The following AFDN variants were observed in gnomAD, a reference collection of about 807,000 sequenced individuals.
The protein encoded by AFDN is afadin.
AFDN carries 68 observed loss-of-function variants against 216.6 expected under a neutral mutation model. The observed-to-expected ratio is 0.31, with a 90% CI of 0.26 to 0.38. The LOEUF (loss-of-function observed/expected upper bound fraction) is 0.38, where lower values mean the gene tolerates loss of function less well. Among genes scored for constraint, AFDN ranks in the 10% least tolerant of loss-of-function variants. The probability of loss-of-function intolerance (pLI) is 1.00; values close to 1 mark genes in which losing one functional copy is unlikely to be tolerated. For missense variants in AFDN, 2,136 were observed against 2,342.0 expected, an observed-to-expected ratio of 0.91 and a Z score of 1.82; for synonymous variants, 868 against 853.7, an observed-to-expected ratio of 1.02 and a Z score of -0.29.
Position 167,962,992 on chromosome 6 carries a change from T to A in AFDN, c.4968+425T>A, listed in dbSNP as rs192537559. 9.2e-7 allele frequency: 1 copy of A among 1,088,440 alleles called. No individual in the cohort carries two copies. Among genetic ancestry groups the A allele is most frequent in the Admixed American group, 4.6e-5 (1 of 21,748 alleles). 67.4% of individuals were successfully genotyped at this position (1,088,440 alleles called of 1,614,324 possible). ...AGACAGTTGGCTGCCATTCAACATT[T>A]CAAATAGATGGTTTACTCAAATCAC... On this transcript the variant is annotated intron_variant, in intron 31 of 33. Coordinates refer to ENST00000683244, the MANE Select transcript of AFDN (RefSeq NM_001386888.1). The surrounding 1 kb of genome is among the most constrained non-coding windows in gnomAD (Gnocchi z 5.2).
In AFDN at chr6:167,836,171, G is replaced by A. The variant is rs138964694; in HGVS notation, c.105+8934G>A. 1.1e-3 allele frequency among the ~76,000 whole-genome samples: 169 copies of A among 152,176 alleles called. 2 individuals carry two copies. Among genetic ancestry groups the A allele is most frequent in the African/African-American group, 4.0e-3 (168 of 41,510 alleles). ...CAAGTTTTATTACTTGAATTCACTC[G>A]GGATGTGACCTAAGCCACACCTACT... On this transcript the variant is annotated intron_variant, in intron 1 of 33. Transcript: ENST00000683244.
chr6:167,864,487 T>C, intron 1 of AFDN, 64 bp from the exon 2 acceptor site: 1 of 1,442,228 alleles, frequency 6.9e-7, no homozygotes, highest in Non-Finnish European at 9.7e-7. Flanking sequence ...CATTTATTAT[T>C]ACAAAAAGTG....
intron 21 of AFDN, among the ~76,000 whole-genome samples, chr6:167,920,139 G>T (rs957526384): frequency 1.3e-5 from 2 of 152,178 alleles, no homozygotes; most frequent in Non-Finnish European, 2.9e-5. Context: ...TGAGGCTGGG[G>T]TGAGGTCTTT....
chr6:167,846,481 G>A (rs1781697020), intron 1 of AFDN, among the ~76,000 whole-genome samples: 2 of 151,902 alleles, frequency 1.3e-5, no homozygotes, highest in South Asian at 2.1e-4. Flanking sequence ...AAACCAGTGC[G>A]TGAACTTTTA....
In AFDN at chr6:167,951,535, C is replaced by T. The variant is rs1272554947; in HGVS notation, c.4181C>T (p.Pro1394Leu). 2 of 1,613,932 alleles carry T rather than the reference C, an allele frequency of 1.2e-6. No homozygotes were observed. The highest frequency in any genetic ancestry group is 1.1e-5 in the South Asian group (1 of 91,034). Reference protein sequence around the residue: ...GDFDGMSMDLPLPPPPSANQI... With the variant: ...GDFDGMSMDLLLPPPPSANQI... Reference sequence around the variant, plus strand: ...TTCGATGGAATGTCCATGGATTTGCCTCTCCCACCACCCCCTTCCGCCAAC... The same window carrying T: ...TTCGATGGAATGTCCATGGATTTGCTTCTCCCACCACCCCCTTCCGCCAAC... Residue 1394 changes from proline to leucine, a missense_variant, in exon 30 of 34, where the codon CCT (proline) becomes CTT (leucine). This residue lies in a region of AFDN where 981 missense variants were observed against 966.0 expected (regional missense o/e 1.02). Coordinates refer to ENST00000683244, the MANE Select transcript of AFDN (RefSeq NM_001386888.1). This position sits in a 1 kb window ranked among gnomAD's most constrained non-coding sequence, Gnocchi z 7.1.
Position 167,962,468 on chromosome 6 carries a change from A to G in AFDN, c.4869A>G (p.Leu1623=), listed in dbSNP as rs1255661822. The change falls in exon 31 of 34, where the codon TTA becomes TTG. Residue 1623 remains leucine, a synonymous_variant. Coordinates refer to ENST00000683244, the MANE Select transcript of AFDN (RefSeq NM_001386888.1). The surrounding 1 kb of genome is among the most constrained non-coding windows in gnomAD (Gnocchi z 5.2). ...QDEERRRQQQ[L]EEMRKREAED... is the part of the protein sequence containing the mutation. ...AGGAGCGGAGGCGGCAGCAGCAGTTAGAAGAGATGCGCAAGCGGGAAGCGG... is the reference window on the plus strand; with the variant it reads ...AGGAGCGGAGGCGGCAGCAGCAGTTGGAAGAGATGCGCAAGCGGGAAGCGG... 8.7e-6 allele frequency: 14 copies of G among 1,613,642 alleles called. No individual in the cohort carries two copies. The highest frequency in any genetic ancestry group is 1.2e-5 in the Non-Finnish European group (14 of 1,179,742).
intron 5 of AFDN, among the ~76,000 whole-genome samples, chr6:167,879,187 C>T (rs1785803573): frequency 1.3e-5 from 2 of 152,142 alleles, no homozygotes; most frequent in South Asian, 2.1e-4. Context: ...TGTGCTGCAA[C>T]CTGTGATTCC....
chr6:167,954,614 A>ACTCCATCTCCT, intron 30 of AFDN: 5 of 684,280 alleles, frequency 7.3e-6, no homozygotes, highest in Non-Finnish European at 1.2e-5. Context: ...CTCCATCAGG[A>ACTCCATCTCCT]GATGGAGTCC....
At position 167,946,912 on chromosome 6, in the gene AFDN, C is replaced by G. The variant is rs781007909; in HGVS notation, c.3553+11C>G. The G allele has an allele frequency of 6.2e-7, 1 of 1,602,258 alleles. No homozygotes were observed. ...GCCCCAACGTAGCAAGTAAGAGTGA[C>G]ACTTTTTTGCTTCCTAAGTACACTT... On this transcript the variant is annotated intron_variant, in intron 27 of 33. Transcript: ENST00000683244.
intron 22 of AFDN, among the ~76,000 whole-genome samples, chr6:167,923,620 CTTTT>C (rs35743665): frequency 1.8e-5 from 2 of 111,968 alleles, no homozygotes; most frequent in South Asian, 3.2e-4. Context: ...TACCCTAATA[CTTTT>C]TTTTTTTTTT....
intron 29 of AFDN, among the ~76,000 whole-genome samples, chr6:167,950,846 C>T (rs371825787): frequency 6.1e-5 from 9 of 146,502 alleles, no homozygotes; most frequent in Admixed American, 4.8e-4. Flanking sequence ...TACAGCTTTG[C>T]TTTTTTGCTT....
chr6:167,900,138 T>G (rs1788757554), intron 11 of AFDN, among the ~76,000 whole-genome samples: 1 of 152,196 alleles, frequency 6.6e-6, no homozygotes, highest in South Asian at 2.1e-4. Context: ...TTCTGGCAAA[T>G]CTGGTAAAAG....
chr6:167,925,850 T>C (rs1330848518), intron 23 of AFDN, among the ~76,000 whole-genome samples: 1 of 152,224 alleles, frequency 6.6e-6, no homozygotes, highest in Non-Finnish European at 1.5e-5. Context: ...ATATTTTCCA[T>C]GAAACAAATA....
rs1051499185 is a variant in AFDN at position 167,971,832 on chromosome 6, A to G, written c.*1897A>G. 4.9e-6 allele frequency: 1 copy of G among 205,286 alleles called. No individual in the cohort carries two copies. Among genetic ancestry groups the G allele is most frequent in the Non-Finnish European group, 1.0e-5 (1 of 100,336 alleles). 12.7% of individuals were successfully genotyped at this position (205,286 alleles called of 1,614,324 possible). ...TTCAGAACTGCATTACTATGAGAAA[A>G]CATCAAAACTGCTGTAGTTTTCCAT... On this transcript the variant is annotated 3_prime_UTR_variant, in exon 34 of 34. Coordinates refer to ENST00000683244, the MANE Select transcript of AFDN (RefSeq NM_001386888.1).
At chr6:167,913,153 G>A (rs1245199381) in intron 15 of AFDN, among the ~76,000 whole-genome samples, 1 of 152,124 alleles carries the variant, frequency 6.6e-6, no homozygotes, top group Non-Finnish European at 1.5e-5. Flanking sequence ...CATATTTATT[G>A]ATAAACTCTA....
At position 167,951,475 on chromosome 6, in the gene AFDN, C is replaced by T. The variant is rs1795971373; in HGVS notation, c.4121C>T (p.Pro1374Leu). 1 of 1,613,814 alleles carries T rather than the reference C, an allele frequency of 6.2e-7. No homozygotes were observed. The highest frequency in any genetic ancestry group is 1.3e-5 in the African/African-American group (1 of 74,904). The change falls in exon 30 of 34, where the codon CCA becomes CTA. Residue 1374 changes from proline to leucine, a missense_variant. By Grantham distance (98) the Pro-to-Leu change is moderately conservative (BLOSUM62 -3). Coordinates refer to ENST00000683244, the MANE Select transcript of AFDN (RefSeq NM_001386888.1). The surrounding 1 kb of genome is among the most constrained non-coding windows in gnomAD (Gnocchi z 7.1). Reference sequence around the variant, plus strand: ...CCAATCCGAACAGACCTGCCTCCGCCACCCCCGCCACCTCCAGTCCACTAT... The same window carrying T: ...CCAATCCGAACAGACCTGCCTCCGCTACCCCCGCCACCTCCAGTCCACTAT... ...SQPIRTDLPP[P>L]PPPPPVHYAG...
Position 167,914,251 on chromosome 6 carries a change from C to G in AFDN, c.2142C>G (p.Asp714Glu). ...TCAACTTCATTAAGCAAGACCGAGA[C>G]CTTAGTCGGATCACACTGGATGCTC... The part of the protein sequence containing the change: ...ELLNFIKQDR[D>E]LSRITLDAQD... Residue 714 changes from aspartate (D) to glutamate (E), a missense_variant, in exon 17 of 34, where the codon GAC (aspartate) becomes GAG (glutamate). Physicochemically the swap from Asp to Glu is conservative, Grantham distance 45. Transcript: ENST00000683244. 1 of 1,614,144 alleles carries G rather than the reference C, an allele frequency of 6.2e-7. No individual in the cohort carries two copies. Among genetic ancestry groups the G allele is most frequent in the Non-Finnish European group, 8.5e-7 (1 of 1,180,012 alleles).
chr6:167,854,162 A>G (rs1162192084), intron 1 of AFDN, among the ~76,000 whole-genome samples: 3 of 151,800 alleles, frequency 2.0e-5, no homozygotes, highest in Non-Finnish European at 4.4e-5. Context: ...TACTATTAGT[A>G]TTGTCTATTT....
In AFDN at chr6:167,965,906, C is replaced by T. The variant is rs780181029; in HGVS notation, c.5118C>T (p.Pro1706=). The stretch of plus-strand genomic sequence containing the variant: ...ACTACGAGCCCCCGTCCCCGTCCCC[C>T]GCGCCCGGCGCCCCTCCTCCCCCGC... ...PRDYEPPSPS[P]APGAPPPPPQ... Residue 1706 remains proline (P), a synonymous_variant, in exon 32 of 34, where the codon CCC becomes CCT. Coordinates refer to ENST00000683244, the MANE Select transcript of AFDN (RefSeq NM_001386888.1). 5.0e-5 allele frequency: 77 copies of T among 1,549,616 alleles called. No individual in the cohort carries two copies. The highest frequency in any genetic ancestry group is 4.0e-4 in the South Asian group (34 of 84,040).
Sources: allele counts gnomAD v4.1 joint callset (sites outside exome capture counted in the v4.1 genomes callset), GRCh38; gene constraint gnomAD v4.1.1; regional missense constraint gnomAD v4.1.1; non-coding constraint Gnocchi (gnomAD v3.1); transcripts MANE v1.5; gene names NCBI Gene and HGNC (gene_info 2026-07-23, HGNC 2026-07-21).